The following SCAPER variants were observed in gnomAD, a reference collection of about 807,000 sequenced individuals.
The protein encoded by SCAPER is S phase cyclin A-associated protein in the endoplasmic reticulum.
Under a neutral mutation model 182.2 loss-of-function variants are expected in SCAPER, and 98 were observed. The ratio of observed to expected loss-of-function variants is 0.54; its 90% confidence interval spans 0.46 to 0.64. The LOEUF (loss-of-function observed/expected upper bound fraction) is 0.64. Ranked by LOEUF, SCAPER falls within the 30% of genes least tolerant of loss-of-function variation. The pLI, the probability that SCAPER is intolerant of heterozygous loss-of-function variation, is 0.00. For missense variants in SCAPER, 1,432 were observed against 1,690.0 expected, an observed-to-expected ratio of 0.85 and a Z score of 2.68; for synonymous variants, 605 against 564.6, an observed-to-expected ratio of 1.07 and a Z score of -1.01.
intron 5 of SCAPER, among the ~76,000 whole-genome samples, chr15:76,811,106 AATAG>A (rs1390533488): frequency 2.7e-5 from 4 of 145,762 alleles, no homozygotes; most frequent in Non-Finnish European, 6.0e-5. Context: ...CACTTTCAAT[AATAG>A]ATAGAATTTA....
intron 22 of SCAPER, among the ~76,000 whole-genome samples, chr15:76,585,503 T>C (rs1224674382): frequency 6.6e-6 from 1 of 152,166 alleles, no homozygotes; most frequent in Non-Finnish European, 1.5e-5. Flanking sequence ...CTGCATACCA[T>C]GTAACTAAAT....
chr15:76,554,031 A>C (rs1366864683), intron 23 of SCAPER, among the ~76,000 whole-genome samples: 1 of 152,206 alleles, frequency 6.6e-6, no homozygotes, highest in Non-Finnish European at 1.5e-5. Context: ...AGGAATGAAG[A>C]CCATCAAGAT....
chr15:76,515,353 T>C (rs183411888), intron 23 of SCAPER, among the ~76,000 whole-genome samples: 72 of 152,320 alleles, frequency 4.7e-4, no homozygotes, highest in Non-Finnish European at 8.8e-5. Context: ...TCTTTCTTTT[T>C]AAGCTGTTGG....
chr15:76,444,352 C>G (rs1398258594), intron 25 of SCAPER, among the ~76,000 whole-genome samples: 1 of 152,150 alleles, frequency 6.6e-6, no homozygotes, highest in Non-Finnish European at 1.5e-5. Context: ...GGTAGTACCA[C>G]TTATAAAAGT....
At position 76,404,573 on chromosome 15, in the gene SCAPER, C is replaced by A. The variant is rs3743176; in HGVS notation, c.3418G>T (p.Ala1140Ser). Reference sequence around the variant, plus strand: ...GTACACATTGCATGTAAGAGTCCTGCGGCATGCTGCAGAAATATGGCCATC... The same window carrying A: ...GTACACATTGCATGTAAGAGTCCTGAGGCATGCTGCAGAAATATGGCCATC... ...PKMAIFLQHA[A>S]GLLHAMCTLC... The change falls in exon 27 of 32, where the codon GCA becomes TCA. Residue 1140 changes from alanine (A) to serine (S), a missense_variant. By Grantham distance (99) the Ala-to-Ser change is moderately conservative (BLOSUM62 1). Around this residue, in one of 5 missense-constraint regions of SCAPER, gnomAD observed 718 missense variants for 799.7 expected, o/e 0.90. Transcript: ENST00000563290. The A allele has an allele frequency of 1.2e-6, 2 of 1,613,344 alleles. No homozygotes were observed. Among genetic ancestry groups the A allele is most frequent in the Non-Finnish European group, 1.7e-6 (2 of 1,179,736 alleles).
In SCAPER at chr15:76,723,963, T is replaced by C. The variant is rs570649864; in HGVS notation, c.2165+4632A>G. 5.3e-5 allele frequency among the ~76,000 whole-genome samples: 8 copies of C among 152,352 alleles called. No individual in the cohort carries two copies. In the South Asian group the frequency reaches 1.7e-3, roughly 32 times the overall value. On this transcript the variant is annotated intron_variant, in intron 17 of 31. Coordinates refer to ENST00000563290, the MANE Select transcript of SCAPER (RefSeq NM_020843.4). ...GTTACGTGTGAATTTGATCCTGTCA[T>C]TATAATGTTAGCTGGTTATTTTGCT...
intron 15 of SCAPER, 93 bp from the exon 16 acceptor site, chr15:76,733,477 G>T: frequency 7.0e-7 from 1 of 1,437,894 alleles, no homozygotes; most frequent in Non-Finnish European, 9.3e-7. Context: ...GGCTGGGCGT[G>T]GTGGTTCACG....
intron 27 of SCAPER, among the ~76,000 whole-genome samples, chr15:76,403,361 ACTAACTT>A (rs2044603087): frequency 6.6e-6 from 1 of 152,144 alleles, no homozygotes; most frequent in African/African-American, 2.4e-5. Flanking sequence ...ATGGGAAGAG[ACTAACTT>A]GAAACACTGA....
intron 17 of SCAPER, among the ~76,000 whole-genome samples, chr15:76,728,243 C>T (rs1424214252): frequency 1.3e-5 from 2 of 151,208 alleles, no homozygotes. Context: ...AAATCCACTG[C>T]TGTGACTCTT....
At chr15:76,882,279 C>A (rs2073594947) in intron 2 of SCAPER, among the ~76,000 whole-genome samples, 1 of 151,958 alleles carries the variant, frequency 6.6e-6, no homozygotes, top group African/African-American at 2.4e-5. Context: ...TAGTTCCAAG[C>A]TACTTAGGAG....
intron 3 of SCAPER, among the ~76,000 whole-genome samples, chr15:76,860,705 A>T (rs1264804369): frequency 1.3e-5 from 2 of 152,212 alleles, no homozygotes; most frequent in African/African-American, 4.8e-5. Context: ...ACTATATGTA[A>T]GAATAAACTA....
At position 76,480,389 on chromosome 15, in the gene SCAPER, T is replaced by C. The variant is rs73442185; in HGVS notation, c.2955-9054A>G. ...TAACTGTGCTTAGAAGTCTAAGGCC[T>C]GAAGTGAACCTAAGTCAGTGCCCCT... On this transcript the variant is annotated intron_variant, in intron 24 of 31. Transcript: ENST00000563290. 4.2e-3 allele frequency among the ~76,000 whole-genome samples: 641 copies of C among 152,342 alleles called. 6 individuals carry two copies. Among genetic ancestry groups the C allele is most frequent in the African/African-American group, 0.015 (622 of 41,580 alleles).
chr15:76,376,054 T>G, intron 29 of SCAPER, 108 bp downstream of exon 29: 2 of 1,394,302 alleles, frequency 1.4e-6, no homozygotes, highest in Non-Finnish European at 2.0e-6. Context: ...TAAAGGGCTT[T>G]ACAGAGGACA....
At chr15:76,432,318 G>A (rs2046923878) in intron 26 of SCAPER, among the ~76,000 whole-genome samples, 2 of 152,244 alleles carry the variant, frequency 1.3e-5, no homozygotes, top group Non-Finnish European at 2.9e-5. Context: ...CAAAGGGCCT[G>A]GTGCTCTCCA....
intron 23 of SCAPER, among the ~76,000 whole-genome samples, chr15:76,561,721 T>G (rs995275014): frequency 3.3e-5 from 5 of 152,070 alleles, no homozygotes; most frequent in African/African-American, 1.2e-4. Flanking sequence ...CCTCACTTTT[T>G]TTTTTTAGAC....
chr15:76,471,139 C>A, intron 25 of SCAPER, 73 bp downstream of exon 25: 53 of 1,112,816 alleles, frequency 4.8e-5, no homozygotes, highest in East Asian at 1.4e-4. Context: ...AAGTTGAATT[C>A]TTTTAGTTTT....
At chr15:76,605,483 T>C (rs915388383) in intron 22 of SCAPER, among the ~76,000 whole-genome samples, 1 of 152,222 alleles carries the variant, frequency 6.6e-6, no homozygotes, top group African/African-American at 2.4e-5. Context: ...TCTAAAATTC[T>C]CTTTTTTGGT....
At chr15:76,609,296 G>T (rs917123019) in intron 22 of SCAPER, among the ~76,000 whole-genome samples, 4 of 151,332 alleles carry the variant, frequency 2.6e-5, no homozygotes, top group African/African-American at 9.7e-5. Flanking sequence ...AGATCAGCCT[G>T]GGCAACAATA....
At chr15:76,494,602 A>G (rs2040316560) in intron 24 of SCAPER, among the ~76,000 whole-genome samples, 1 of 152,216 alleles carries the variant, frequency 6.6e-6, no homozygotes, top group Non-Finnish European at 1.5e-5. Flanking sequence ...AAAGAAAAGT[A>G]CAGCTGTCGT....
Sources: gnomAD v4.1 joint callset for allele counts (sites outside exome capture counted in the v4.1 genomes callset) on GRCh38, gnomAD v4.1.1 for gene constraint, gnomAD v4.1.1 regional missense constraint, MANE v1.5 for transcripts, NCBI Gene and HGNC (gene_info 2026-07-23, HGNC 2026-07-21) for gene names.